EIF4G3: variants seen among roughly 807,000 people sequenced by gnomAD.
EIF4G3 encodes the protein eIF-4-gamma 3.
A neutral mutation model predicts 186.4 loss-of-function variants in EIF4G3; 34 were observed. The ratio of observed to expected loss-of-function variants is 0.18; its 90% CI spans 0.14 to 0.24. The LOEUF (loss-of-function observed/expected upper bound fraction) is 0.24, where lower values mean the gene tolerates loss of function less well. EIF4G3 is among the 10% of genes least tolerant of loss of function. The pLI, the probability that EIF4G3 is intolerant of heterozygous loss-of-function variation, is 1.00. For missense variants in EIF4G3, 1,536 were observed against 1,948.5 expected, an observed-to-expected ratio of 0.79 and a Z score of 3.99; for synonymous variants, 673 against 679.5, an observed-to-expected ratio of 0.99 and a Z score of 0.15.
At chr1:20,875,937 A>G (rs1362110404) in intron 20 of EIF4G3, among the ~76,000 whole-genome samples, 2 of 151,992 alleles carry the variant, frequency 1.3e-5, no homozygotes, top group South Asian at 4.1e-4. Context: ...AAAAGAAGAA[A>G]GAGGCCAGGC....
chr1:20,824,747 C>T (rs1030225023), intron 33 of EIF4G3, among the ~76,000 whole-genome samples: 2 of 152,160 alleles, frequency 1.3e-5, no homozygotes, highest in Non-Finnish European at 2.9e-5. Flanking sequence ...TATTAATGGT[C>T]TCCATTCCCC....
At chr1:20,993,786 G>A (rs1457973475) in intron 7 of EIF4G3, among the ~76,000 whole-genome samples, 1 of 152,152 alleles carries the variant, frequency 6.6e-6, no homozygotes, top group Non-Finnish European at 1.5e-5. Context: ...TAAGTCTTAA[G>A]TATGTAAAAC....
At chr1:21,003,130 G>C (rs1446744916) in intron 4 of EIF4G3, among the ~76,000 whole-genome samples, 1 of 150,082 alleles carries the variant, frequency 6.7e-6, no homozygotes, top group Non-Finnish European at 1.5e-5. Flanking sequence ...TGGAGTAGCT[G>C]GGACTACCGG....
chr1:20,937,283 T>C lies in EIF4G3; in HGVS notation c.1663+4208A>G, dbSNP rs550072260. On this transcript the variant is annotated intron_variant, in intron 14 of 36. Coordinates refer to ENST00000602326, the MANE Select transcript of EIF4G3 (RefSeq NM_001391906.1). ...AGAAGATTGCTGTTACCCTGAAAAT[T>C]AGTATCCAAGCCATACGGTATGGCT... is the stretch of plus-strand genomic sequence containing the variant. Among the ~76,000 whole-genome samples, 7 of 152,318 alleles carry C rather than the reference T, an allele frequency of 4.6e-5. No homozygotes were observed. The East Asian group carries it at 1.2e-3, about 25-fold the overall frequency.
intron 13 of EIF4G3, 65 bp from the exon 14 acceptor site, chr1:20,942,395 C>T: frequency 1.4e-6 from 2 of 1,449,514 alleles, no homozygotes; most frequent in Admixed American, 2.4e-5. Context: ...TGCCTTGGGC[C>T]AATTCTTTCA....
At chr1:21,113,921 T>C (rs895745299) in intron 2 of EIF4G3, among the ~76,000 whole-genome samples, 1 of 152,094 alleles carries the variant, frequency 6.6e-6, no homozygotes, top group African/African-American at 2.4e-5. Flanking sequence ...GAGGTTGAAG[T>C]GGCAAGAATA....
intron 30 of EIF4G3, among the ~76,000 whole-genome samples, chr1:20,831,730 G>C (rs528911251): frequency 1.3e-5 from 2 of 149,464 alleles, no homozygotes; most frequent in South Asian, 4.3e-4. Flanking sequence ...CTAGCATTAG[G>C]TATATCTCCC....
intron 3 of EIF4G3, among the ~76,000 whole-genome samples, chr1:21,081,525 T>C (rs1477575107): frequency 6.6e-6 from 1 of 152,000 alleles, no homozygotes; most frequent in Non-Finnish European, 1.5e-5. Flanking sequence ...AGCTTCTCTC[T>C]CATATCTGAT....
intron 7 of EIF4G3, among the ~76,000 whole-genome samples, chr1:20,985,156 C>A (rs2079175256): frequency 6.6e-6 from 1 of 152,196 alleles, no homozygotes; most frequent in African/African-American, 2.4e-5. Context: ...GTAGCAGGAT[C>A]TTTATCCAAC....
intron 2 of EIF4G3, among the ~76,000 whole-genome samples, chr1:21,158,501 G>A (rs966003138): frequency 2.0e-5 from 3 of 151,810 alleles, no homozygotes; most frequent in Non-Finnish European, 2.9e-5. Flanking sequence ...GAAGAAAAGG[G>A]GTTATTTTTA....
At chr1:20,826,861 G>A (rs1418572150) in intron 32 of EIF4G3, among the ~76,000 whole-genome samples, 1 of 152,054 alleles carries the variant, frequency 6.6e-6, no homozygotes, top group Admixed American at 6.6e-5. Flanking sequence ...AAAAACTAGG[G>A]TTCAGTAAAA....
At chr1:20,915,811 TG>T in intron 14 of EIF4G3, among the ~76,000 whole-genome samples, 1 of 152,306 alleles carries the variant, frequency 6.6e-6, no homozygotes, top group East Asian at 1.9e-4. Context: ...AACAAGACAA[TG>T]TTTACTTTTA....
intron 4 of EIF4G3, among the ~76,000 whole-genome samples, chr1:21,018,502 G>C (rs760139569): frequency 4.9e-4 from 74 of 151,920 alleles, no homozygotes; most frequent in Non-Finnish European, 9.3e-4. Context: ...GGAGGTTGCA[G>C]TGAGCTGAGA....
chr1:20,892,124 T>C (rs531867193), intron 18 of EIF4G3, among the ~76,000 whole-genome samples: 3 of 152,300 alleles, frequency 2.0e-5, no homozygotes, highest in Admixed American at 6.5e-5. Flanking sequence ...TCAGACAATG[T>C]AGTCTTATTT....
At chr1:20,998,864 G>C (rs1316550295) in intron 6 of EIF4G3, 5 of 426,654 alleles carry the variant, frequency 1.2e-5, no homozygotes, top group South Asian at 6.8e-5. Context: ...TATATTTAAG[G>C]AGCAAAAATA....
rs1477849329 is a variant in EIF4G3, at chr1:21,142,798, C to CATAATATAAGAAA, written c.-272+33364_-272+33376dup. On this transcript the variant is annotated intron_variant, in intron 2 of 36. Transcript: ENST00000602326. The stretch of plus-strand genomic sequence containing the variant: ...TAAAAATGTTGAGTGCAGCATGGTT[C>CATAATATAAGAAA]ATAATATAAGAAAAACAGAAATAAC... 8.7e-4 allele frequency among the ~76,000 whole-genome samples: 133 copies of CATAATATAAGAAA among 152,060 alleles called. 1 individual carries two copies. Among genetic ancestry groups the CATAATATAAGAAA allele is most frequent in the Non-Finnish European group, 4.4e-4 (30 of 67,996 alleles).
chr1:20,933,456 A>G (rs1433404489), intron 14 of EIF4G3, among the ~76,000 whole-genome samples: 1 of 152,176 alleles, frequency 6.6e-6, no homozygotes, highest in Non-Finnish European at 1.5e-5. Flanking sequence ...GGAGTTTGAG[A>G]TCAGCCTGAC....
intron 2 of EIF4G3, among the ~76,000 whole-genome samples, chr1:21,143,065 A>T (rs1010580165): frequency 1.3e-5 from 2 of 152,120 alleles, no homozygotes; most frequent in African/African-American, 4.8e-5. Context: ...CCTGACCAAC[A>T]TGATGAAACC....
intron 3 of EIF4G3, among the ~76,000 whole-genome samples, chr1:21,052,628 C>T (rs1468897046): frequency 4.0e-5 from 6 of 151,728 alleles, no homozygotes; most frequent in African/African-American, 9.7e-5. Flanking sequence ...CCCCTGATGC[C>T]GAGCCAAAGC....
Sources: gnomAD v4.1 joint callset for allele counts (sites outside exome capture counted in the v4.1 genomes callset) on GRCh38, gnomAD v4.1.1 for gene constraint, MANE v1.5 for transcripts, NCBI Gene and HGNC (gene_info 2026-07-23, HGNC 2026-07-21) for gene names.